Variants in LRRC28 observed in about 807,000 individuals in gnomAD.
LRRC28 encodes the protein leucine-rich repeat-containing protein 28.
Under a neutral mutation model 45.7 loss-of-function variants are expected in LRRC28, and 39 were observed. The observed-to-expected ratio is 0.85, with a 90% CI of 0.66 to 1.12. LRRC28 has a LOEUF of 1.12. Ranked by LOEUF, LRRC28 falls within the 50% of genes most tolerant of loss-of-function variation. The probability of loss-of-function intolerance (pLI) is 0.00; values close to 1 mark genes in which losing one functional copy is unlikely to be tolerated. For synonymous variants in LRRC28, 206 were observed against 178.8 expected, an observed-to-expected ratio of 1.15 and a Z score of -1.22; for missense variants, 435 against 438.5, an observed-to-expected ratio of 0.99 and a Z score of 0.07.
intron 1 of LRRC28, among the ~76,000 whole-genome samples, chr15:99,254,602 T>C (rs2080962347): frequency 1.3e-5 from 2 of 152,224 alleles, no homozygotes; most frequent in South Asian, 4.1e-4. Flanking sequence ...TCCTGTGGAA[T>C]CTTGTGAGTC....
chr15:99,328,890 T>C (rs749659525), intron 5 of LRRC28, among the ~76,000 whole-genome samples: 2 of 151,684 alleles, frequency 1.3e-5, no homozygotes, highest in Non-Finnish European at 2.9e-5. Context: ...GCATCCTTAG[T>C]TCTGAGGCCT....
intron 8 of LRRC28, 100 bp from the exon 9 acceptor site, chr15:99,363,006 T>C (rs1009324317): frequency 1.5e-6 from 2 of 1,310,998 alleles, no homozygotes; most frequent in Admixed American, 2.3e-5. Flanking sequence ...TGAAGTACTT[T>C]TAAGTAACTG....
intron 6 of LRRC28, among the ~76,000 whole-genome samples, chr15:99,337,387 G>C (rs1485876406): frequency 6.6e-6 from 1 of 152,226 alleles, no homozygotes; most frequent in South Asian, 2.1e-4. Context: ...AATGGTTGTT[G>C]GGTAGAGAAC....
intron 6 of LRRC28, chr15:99,337,737 C>G (rs563679593): frequency 1.3e-5 from 2 of 152,234 alleles, no homozygotes; most frequent in Non-Finnish European, 2.9e-5. Flanking sequence ...ACTCCCAAGT[C>G]GGGCTGCAGA....
chr15:99,323,014 A>T (rs552108460), intron 5 of LRRC28, among the ~76,000 whole-genome samples: 1 of 152,318 alleles, frequency 6.6e-6, no homozygotes, highest in Admixed American at 6.5e-5. Flanking sequence ...TCTATCATCC[A>T]GTAATTTCTC....
At chr15:99,374,712 T>C (rs1335850567) in intron 9 of LRRC28, among the ~76,000 whole-genome samples, 1 of 152,004 alleles carries the variant, frequency 6.6e-6, no homozygotes, top group Non-Finnish European at 1.5e-5. Context: ...TCTTACTCTG[T>C]CGCCCAGGCT....
intron 5 of LRRC28, among the ~76,000 whole-genome samples, chr15:99,322,783 G>GTGC (rs1406532523): frequency 6.6e-6 from 1 of 152,150 alleles, no homozygotes; most frequent in Non-Finnish European, 1.5e-5. Context: ...GCTAAGGCAT[G>GTGC]TTGTTGCAAA....
At chr15:99,302,310 A>G (rs993453337) in intron 5 of LRRC28, among the ~76,000 whole-genome samples, 4 of 152,080 alleles carry the variant, frequency 2.6e-5, no homozygotes, top group African/African-American at 9.7e-5. Context: ...TACAGGCTTG[A>G]GCCACCGCAC....
intron 5 of LRRC28, among the ~76,000 whole-genome samples, chr15:99,288,371 CTTTTTTTTTTTTTTT>C (rs67593137): frequency 0.16 from 13,034 of 83,396 alleles, 997 homozygotes; most frequent in East Asian, 0.43. Flanking sequence ...TGTACATTAA[CTTTTTTTTTTTTTTT>C]TTTTTTTTTT....
chr15:99,348,665 T>C (rs923532852), intron 6 of LRRC28, among the ~76,000 whole-genome samples: 4 of 152,132 alleles, frequency 2.6e-5, no homozygotes, highest in Non-Finnish European at 5.9e-5. Context: ...CTTTGTAAAA[T>C]AATTTTAAAT....
At chr15:99,299,097 G>A (rs949755600) in intron 5 of LRRC28, among the ~76,000 whole-genome samples, 2 of 152,222 alleles carry the variant, frequency 1.3e-5, no homozygotes, top group African/African-American at 4.8e-5. Flanking sequence ...TTGGCAAAAT[G>A]TGGTTTAATA....
At chr15:99,380,378 T>A (rs1957781859) in intron 9 of LRRC28, among the ~76,000 whole-genome samples, 1 of 152,208 alleles carries the variant, frequency 6.6e-6, no homozygotes, top group Non-Finnish European at 1.5e-5. Flanking sequence ...TTTTTTGTTT[T>A]CCATTTGCTT....
At chr15:99,282,178 T>TTTTTTTTTTTTTTGTTTTTTG (rs1194740305) in intron 3 of LRRC28, among the ~76,000 whole-genome samples, 3 of 37,374 alleles carry the variant, frequency 8.0e-5, no homozygotes, top group Admixed American at 2.5e-4. Flanking sequence ...TTTTTGGAGG[T>TTTTTTTTTTTTTTGTTTTTTG]TTTTTTTTTT....
chr15:99,293,396 C>T (rs921057088), intron 5 of LRRC28, among the ~76,000 whole-genome samples: 1 of 151,846 alleles, frequency 6.6e-6, no homozygotes, highest in African/African-American at 2.4e-5. Flanking sequence ...GAGTTCAAGA[C>T]TAGCCTGACT....
intron 5 of LRRC28, among the ~76,000 whole-genome samples, chr15:99,305,469 A>G (rs1955149564): frequency 6.6e-6 from 1 of 152,232 alleles, no homozygotes; most frequent in African/African-American, 2.4e-5. Flanking sequence ...AATGAATGCT[A>G]CTTTGAAATT....
intron 2 of LRRC28, chr15:99,259,674 T>G: frequency 7.2e-7 from 1 of 1,398,014 alleles, no homozygotes. Context: ...ACATTTGAAA[T>G]TAATCCCAGA....
intron 2 of LRRC28, among the ~76,000 whole-genome samples, chr15:99,260,831 G>A (rs1169106157): frequency 1.3e-5 from 2 of 152,178 alleles, no homozygotes; most frequent in Admixed American, 6.5e-5. Context: ...ATATGTTATT[G>A]CTTAATTGGC....
At chr15:99,284,309 G>A (rs1317812521) in intron 3 of LRRC28, among the ~76,000 whole-genome samples, 5 of 151,840 alleles carry the variant, frequency 3.3e-5, no homozygotes, top group African/African-American at 7.3e-5. Context: ...TTTATTCAGC[G>A]TCATGATCAC....
intron 5 of LRRC28, among the ~76,000 whole-genome samples, chr15:99,324,964 CA>C (rs1246629063): frequency 6.6e-6 from 1 of 151,940 alleles, no homozygotes; most frequent in African/African-American, 2.4e-5. Flanking sequence ...CAATTTCTAC[CA>C]AAAAAAGCCT....
Sources: allele counts gnomAD v4.1 joint callset (sites outside exome capture counted in the v4.1 genomes callset), GRCh38; gene constraint gnomAD v4.1.1; transcripts MANE v1.5; gene names NCBI Gene and HGNC (gene_info 2026-07-23, HGNC 2026-07-21).